Variants in NINL observed in about 807,000 individuals in gnomAD.
NINL encodes the protein ninein like, also known as ninein-like protein.
In NINL, 153 loss-of-function variants were observed where a neutral mutation model predicts 160.3. That is an observed-to-expected ratio of 0.95 (90% CI 0.84 to 1.09). NINL has a LOEUF of 1.09. NINL is among the 50% of genes least tolerant of loss of function. The probability of loss-of-function intolerance (pLI) is 0.00; values close to 1 mark genes in which losing one functional copy is unlikely to be tolerated. For missense variants in NINL, 1,829 were observed against 1,764.0 expected (o/e 1.04, Z -0.66); for synonymous variants, 800 against 734.8 (o/e 1.09, Z -1.43).
At chr20:25,524,592 C>T (rs2146952298) in intron 2 of NINL, among the ~76,000 whole-genome samples, 1 of 152,316 alleles carries the variant, frequency 6.6e-6, no homozygotes, top group Non-Finnish European at 1.5e-5. Context: ...CTCAGATGAG[C>T]CGCTTTTCAG....
At chr20:25,488,774 T>C (rs1440102131) in intron 13 of NINL, among the ~76,000 whole-genome samples, 1 of 152,146 alleles carries the variant, frequency 6.6e-6, no homozygotes, top group East Asian at 1.9e-4. Context: ...CTTAAATAAA[T>C]TAATAAATTT....
At chr20:25,540,143 A>G in intron 1 of NINL, 1 of 814,858 alleles carries the variant, frequency 1.2e-6, no homozygotes, top group Non-Finnish European at 1.8e-6. Context: ...TCTGGCCAGC[A>G]TTCAGCAGCT....
intron 1 of NINL, among the ~76,000 whole-genome samples, chr20:25,568,565 TG>T (rs2065019782): frequency 6.6e-6 from 1 of 151,856 alleles, no homozygotes; most frequent in African/African-American, 2.4e-5. Context: ...CGTGCCACCA[TG>T]CCTGGCTTAT....
intron 8 of NINL, chr20:25,499,322 C>T: frequency 1.2e-6 from 1 of 803,880 alleles, no homozygotes; most frequent in South Asian, 5.6e-5. Context: ...GACTGAGTTG[C>T]AAGGCAGAAT....
chr20:25,531,722 C>A (rs1028929163), intron 1 of NINL, among the ~76,000 whole-genome samples: 3 of 152,156 alleles, frequency 2.0e-5, no homozygotes, highest in Admixed American at 6.5e-5. Context: ...GACCATGCCC[C>A]AAAAGCTGTG....
chr20:25,462,641 C>T (rs1261528837), intron 19 of NINL, 100 bp from the exon 20 acceptor site: 1 of 710,722 alleles, frequency 1.4e-6, no homozygotes, highest in Non-Finnish European at 2.1e-6. Flanking sequence ...ATTAAGTAGT[C>T]ATTTGTTTTG....
At chr20:25,559,713 G>A (rs1376785649) in intron 1 of NINL, among the ~76,000 whole-genome samples, 2 of 151,298 alleles carry the variant, frequency 1.3e-5, no homozygotes, top group Admixed American at 6.6e-5. Context: ...TGATCCTCCT[G>A]ATGCAGCCTC....
chr20:25,579,884 A>T (rs894908847), intron 1 of NINL, among the ~76,000 whole-genome samples: 1 of 152,212 alleles, frequency 6.6e-6, no homozygotes, highest in Non-Finnish European at 1.5e-5. Context: ...ATCCTAACTG[A>T]TATACTCTAC....
At chr20:25,475,898 G>T in intron 17 of NINL, 145 bp downstream of exon 17, 1 of 801,606 alleles carries the variant, frequency 1.2e-6, no homozygotes, top group Non-Finnish European at 1.9e-6. Context: ...CCCTACTCAG[G>T]CTGAAGGGCT....
intron 8 of NINL, among the ~76,000 whole-genome samples, chr20:25,499,945 C>CAAAAAAA (rs11476280): frequency 4.9e-5 from 3 of 61,436 alleles, no homozygotes; most frequent in African/African-American, 1.7e-4. Context: ...ACCAATTTCG[C>CAAAAAAA]AAAAAAAAAA....
At chr20:25,537,283 A>G (rs1030904776) in intron 1 of NINL, among the ~76,000 whole-genome samples, 3 of 151,848 alleles carry the variant, frequency 2.0e-5, no homozygotes, top group African/African-American at 7.3e-5. Flanking sequence ...CAGCTTCCCT[A>G]TGTTACCCAG....
intron 9 of NINL, among the ~76,000 whole-genome samples, chr20:25,497,779 T>C (rs1335938658): frequency 2.6e-5 from 4 of 152,156 alleles, no homozygotes; most frequent in Non-Finnish European, 5.9e-5. Flanking sequence ...CACCTGGCGC[T>C]GGCAAGCGCC....
chr20:25,528,207 A>T (rs985442225), intron 1 of NINL, among the ~76,000 whole-genome samples: 12 of 151,844 alleles, frequency 7.9e-5, no homozygotes, highest in South Asian at 2.1e-4. Context: ...TTTATTTAAA[A>T]TTTTTTTACC....
intron 1 of NINL, among the ~76,000 whole-genome samples, chr20:25,538,975 A>G (rs2064610760): frequency 6.6e-6 from 1 of 152,158 alleles, no homozygotes; most frequent in Admixed American, 6.5e-5. Flanking sequence ...GGCCCTGCCC[A>G]CTGACCTGCA....
chr20:25,526,259 CAT>C (rs1269359272), intron 2 of NINL, 147 bp downstream of exon 2: 10 of 713,312 alleles, frequency 1.4e-5, no homozygotes, highest in Non-Finnish European at 2.1e-5. Flanking sequence ...GTAGAATTTC[CAT>C]AGAGGGAAAA....
At position 25,462,400 on chromosome 20, in the gene NINL, G is replaced by A. The variant is rs781248065; in HGVS notation, c.3565C>T (p.Arg1189Cys). 10 of 1,613,246 alleles carry A rather than the reference G, an allele frequency of 6.2e-6. No individual in the cohort carries two copies. Among genetic ancestry groups the A allele is most frequent in the African/African-American group, 1.3e-5 (1 of 74,778 alleles). ...CCACCCACCTGCTGCTGCCCACTGCGAACCACCTCCTCCAGGCTCTGTGTT... is the reference window on the plus strand; with the variant it reads ...CCACCCACCTGCTGCTGCCCACTGCAAACCACCTCCTCCAGGCTCTGTGTT... ...MLTQSLEEVV[R>C]SGQQQSDQIQ... is the part of the protein sequence containing the mutation. The change falls in exon 20 of 24, where the codon CGC becomes TGC. Residue 1189 changes from arginine (R) to cysteine (C), a missense_variant. Arg to Cys is a radical substitution (Grantham distance 180, BLOSUM62 -3). Transcript: ENST00000278886.
Position 25,546,709 on chromosome 20 carries a change from A to T in NINL, c.-11-20111T>A, listed in dbSNP as rs117465554. Among the ~76,000 whole-genome samples, 563 of 151,946 alleles carry T rather than the reference A, an allele frequency of 3.7e-3. 1 individual carries two copies. The highest frequency in any genetic ancestry group is 7.7e-3 in the Admixed American group (117 of 15,264). On this transcript the variant is annotated intron_variant, in intron 1 of 23. Transcript: ENST00000278886. ...CTAGATTACAAAGATGGAAATACAA[A>T]TGGCTCTTGAACATGTGGAGAGATG...
intron 17 of NINL, among the ~76,000 whole-genome samples, chr20:25,473,771 T>C (rs1052407948): frequency 6.6e-6 from 1 of 151,738 alleles, no homozygotes; most frequent in Admixed American, 6.6e-5. Context: ...GGGAGGCTGA[T>C]GCAGGACAAT....
chr20:25,510,303 G>A (rs1480517263), intron 5 of NINL, among the ~76,000 whole-genome samples: 1 of 152,380 alleles, frequency 6.6e-6, no homozygotes, highest in Non-Finnish European at 1.5e-5. Flanking sequence ...GGAAGGAGGT[G>A]CAGGGGCAGT....
Sources: allele counts gnomAD v4.1 joint callset (sites outside exome capture counted in the v4.1 genomes callset), GRCh38; gene constraint gnomAD v4.1.1; transcripts MANE v1.5; gene names NCBI Gene and HGNC (gene_info 2026-07-23, HGNC 2026-07-21).